The following MS4A2 variants were observed in gnomAD, a reference collection of about 807,000 sequenced individuals.
The protein encoded by MS4A2 is membrane spanning 4-domains A2.
Under a neutral mutation model 27.9 loss-of-function variants are expected in MS4A2, and 26 were observed. The ratio of observed to expected loss-of-function variants is 0.93; its 90% CI spans 0.68 to 1.29. The LOEUF is 1.29. Among genes scored for constraint, MS4A2 ranks in the 50% most tolerant of loss-of-function variants. The pLI is 0.00. For missense variants in MS4A2, 284 were observed against 284.6 expected, an observed-to-expected ratio of 1.00 and a Z score of 0.01; for synonymous variants, 110 against 98.8, an observed-to-expected ratio of 1.11 and a Z score of -0.67.
rs774069021 is a variant in MS4A2 at position 60,089,779 on chromosome 11, T to C, written c.144T>C (p.His48=). 17 of 1,614,050 alleles carry C rather than the reference T, an allele frequency of 1.1e-5. No individual in the cohort carries two copies. Among genetic ancestry groups the C allele is most frequent in the Non-Finnish European group, 1.4e-5 (17 of 1,180,028 alleles). ...AGTCGGCCTCATCCCCACCACTGCA[T>C]ACATGGCTGACAGTTTTGAAAAAAG... is the stretch of plus-strand genomic sequence containing the variant. ...LLKSASSPPL[H]TWLTVLKKEQ... Residue 48 remains histidine (H), a synonymous_variant, in exon 2 of 7, where the codon CAT becomes CAC. Transcript: ENST00000278888.
chr11:60,088,609 C>T, upstream of MS4A2: 1 of 1,480,656 alleles, frequency 6.8e-7, no homozygotes, highest in Non-Finnish European at 8.9e-7. Flanking sequence ...AGCCAAGAAA[C>T]TTATCTGTCT....
At chr11:60,088,944 A>G (rs1855704866) in intron 1 of MS4A2, 123 bp downstream of exon 1, 1 of 1,011,148 alleles carries the variant, frequency 9.9e-7, no homozygotes, top group African/African-American at 1.6e-5. Flanking sequence ...TTTAATTAAT[A>G]TATTGGGTAT....
chr11:60,091,375 T>C (rs991336906), intron 3 of MS4A2, among the ~76,000 whole-genome samples: 1 of 152,308 alleles, frequency 6.6e-6, no homozygotes, highest in Middle Eastern at 3.4e-3. Flanking sequence ...AAAGGTCTAA[T>C]TGACATATAA....
At chr11:60,090,220 T>G in intron 2 of MS4A2, 116 bp from the exon 3 acceptor site, 2 of 1,068,866 alleles carry the variant, frequency 1.9e-6, no homozygotes, top group South Asian at 2.6e-5. Flanking sequence ...GGATCATTTC[T>G]CAGGACAGTC....
rs1407123839 is a variant in MS4A2, at chr11:60,097,208, G to A, written c.*1552G>A. ...AGGGAAAAACTAAGGATAAAATCTA[G>A]CCTAGAAGATACAATAATTAGTCAT... On this transcript the variant is annotated 3_prime_UTR_variant, in exon 7 of 7. Coordinates refer to ENST00000278888, the MANE Select transcript of MS4A2 (RefSeq NM_000139.5). 1 of 152,164 alleles carries A rather than the reference G, an allele frequency of 6.6e-6. No individual in the cohort carries two copies. Among genetic ancestry groups the A allele is most frequent in the East Asian group, 1.9e-4 (1 of 5,194 alleles). The allele number at this position is 152,164 out of a possible 1,614,324, so 9.4% of individuals were successfully genotyped here. A position where few individuals can be genotyped will look rare whatever the true frequency, so the allele number is the denominator to read the frequency against.
Position 60,093,546 on chromosome 11 carries a change from T to C in MS4A2, c.525T>C (p.Ala175=), listed in dbSNP as rs775371059. The C allele has an allele frequency of 2.5e-5, 41 of 1,614,074 alleles. No homozygotes were observed. The highest frequency in any genetic ancestry group is 8.8e-5 in the South Asian group (8 of 91,090). Residue 175 remains alanine, a synonymous_variant, in exon 5 of 7, where the codon GCT becomes GCC. Transcript: ENST00000278888. The part of the protein sequence containing the change: ...QKFFETKCFM[A]SFSTEIVVMM... ...TTTTTGAGACCAAGTGCTTTATGGC[T>C]TCCTTTTCCACTGTATGTATTTTTT... is the stretch of plus-strand genomic sequence containing the variant.
At chr11:60,094,124 TA>T in intron 6 of MS4A2, 62 bp downstream of exon 6, 1 of 1,114,960 alleles carries the variant, frequency 9.0e-7, no homozygotes, top group Non-Finnish European at 1.4e-6. Context: ...CTTTATTCCT[TA>T]AAAATATGGC....
chr11:60,094,661 C>T (rs1349608745), intron 6 of MS4A2, among the ~76,000 whole-genome samples: 1 of 152,160 alleles, frequency 6.6e-6, no homozygotes, highest in African/African-American at 2.4e-5. Context: ...AAATCACTCT[C>T]CTCCAGGCTG....
rs1565073206 is a variant in MS4A2, at chr11:60,088,742, CTGGACAGCTCGGTTAATGAAAAAA to C, written c.-17_7del. 6.2e-7 allele frequency: 1 copy of C among 1,606,060 alleles called. No homozygotes were observed. Among genetic ancestry groups the C allele is most frequent in the East Asian group, 2.2e-5 (1 of 44,660 alleles). ...CTCAATATAATAATATTCTTTATTC[CTGGACAGCTCGGTTAATGAAAAAA>C]TGGACACAGAAAGTAATAGGAGAGC... On this transcript the variant is annotated start_lost and 5_prime_UTR_variant, in exon 1 of 7. Transcript: ENST00000278888.
chr11:60,096,669 G>A lies in MS4A2; in HGVS notation c.*1013G>A, dbSNP rs1855873759. 6.6e-6 allele frequency: 1 copy of A among 152,028 alleles called. No homozygotes were observed. Among genetic ancestry groups the A allele is most frequent in the South Asian group, 2.1e-4 (1 of 4,826 alleles). The allele number at this position is 152,028 out of a possible 1,614,324, so 9.4% of individuals were successfully genotyped here. On this transcript the variant is annotated 3_prime_UTR_variant, in exon 7 of 7. Transcript: ENST00000278888. ...GAGGCCGAGGTGGGCAGATCACGAAGTCAGTAGTTTGAGACCAGCCTGGCC... is the reference window on the plus strand; with the variant it reads ...GAGGCCGAGGTGGGCAGATCACGAAATCAGTAGTTTGAGACCAGCCTGGCC...
At position 60,089,683 on chromosome 11, in the gene MS4A2, A is replaced by T. The variant is rs748082992; in HGVS notation, c.57-9A>T. ...GTTCTCATGACTGAATTGCTTTTAA[A>T]TTTCACAGTGTGCCTGCATTTGAAG... On this transcript the variant is annotated splice_polypyrimidine_tract_variant and intron_variant, in intron 1 of 6. Transcript: ENST00000278888. 42 of 1,614,134 alleles carry T rather than the reference A, an allele frequency of 2.6e-5. No homozygotes were observed. The highest frequency in any genetic ancestry group is 3.3e-4 in the Middle Eastern group (2 of 6,062).
In MS4A2 at chr11:60,089,735, T is replaced by A; in HGVS notation, c.100T>A (p.Ser34Thr). 6.2e-7 allele frequency: 1 copy of A among 1,614,184 alleles called. No individual in the cohort carries two copies. The highest frequency in any genetic ancestry group is 8.5e-7 in the Non-Finnish European group (1 of 1,180,012). Residue 34 changes from serine (S) to threonine (T), a missense_variant, in exon 2 of 7, where the codon TCT becomes ACT. Ser to Thr is a moderately conservative substitution (Grantham distance 58). Transcript: ENST00000278888. ...EVLEISPQEV[S>T]SGRLLKSASS... is the part of the protein sequence containing the mutation. ...CTTGGAAATATCTCCCCAGGAAGTA[T>A]CTTCAGGCAGACTATTGAAGTCGGC... is the stretch of plus-strand genomic sequence containing the variant.
In MS4A2 at chr11:60,095,828, T is replaced by C. The variant is rs1007315; in HGVS notation, c.*172T>C. The stretch of plus-strand genomic sequence containing the variant: ...CTGCTGCTTCTGTCCACCTTAATAT[T>C]CTCCTTCTATTTGTAGATATGATAG... On this transcript the variant is annotated 3_prime_UTR_variant, in exon 7 of 7. Coordinates refer to ENST00000278888, the MANE Select transcript of MS4A2 (RefSeq NM_000139.5). The C allele has an allele frequency of 7.9e-6, 5 of 632,912 alleles. No individual in the cohort carries two copies. Among genetic ancestry groups the C allele is most frequent in the East Asian group, 5.6e-5 (2 of 35,824 alleles). The allele number at this position is 632,912 out of a possible 1,614,324, so 39.2% of individuals were successfully genotyped here.
intron 5 of MS4A2, 148 bp downstream of exon 5, chr11:60,093,706 G>C (rs1855813516): frequency 4.3e-6 from 5 of 1,173,020 alleles, no homozygotes; most frequent in Non-Finnish European, 6.2e-6. Flanking sequence ...AGCCCAGGGA[G>C]ATGCTGGCTG....
At chr11:60,088,599 A>C (rs1429544359), upstream of MS4A2, 8 of 1,458,780 alleles carry the variant, frequency 5.5e-6, no homozygotes, top group African/African-American at 1.1e-4. Context: ...GATCTTAATC[A>C]GCCAAGAAAC....
Position 60,096,351 on chromosome 11 carries a change from G to C in MS4A2, c.*695G>C, listed in dbSNP as rs1308767687. ...AAAACAGGGAAATTATAAGTGCAGA[G>C]ATTAACATTTCACAAATGTTTAGTG... On this transcript the variant is annotated 3_prime_UTR_variant, in exon 7 of 7. Coordinates refer to ENST00000278888, the MANE Select transcript of MS4A2 (RefSeq NM_000139.5). 1 of 152,062 alleles carries C rather than the reference G, an allele frequency of 6.6e-6. No individual in the cohort carries two copies. The highest frequency in any genetic ancestry group is 1.5e-5 in the Non-Finnish European group (1 of 68,034). The allele number at this position is 152,062 out of a possible 1,614,324, so 9.4% of individuals were successfully genotyped here. A position where few individuals can be genotyped will look rare whatever the true frequency, so the allele number is the denominator to read the frequency against.
rs116176533 is a variant in MS4A2 at position 60,091,311 on chromosome 11, G to A, written c.321+841G>A. ...TCTCCTGGTATCTCTTTTACTCATC[G>A]TTCTATCTGGAAAAATAGGTGGATG... On this transcript the variant is annotated intron_variant, in intron 3 of 6. Coordinates refer to ENST00000278888, the MANE Select transcript of MS4A2 (RefSeq NM_000139.5). Among the ~76,000 whole-genome samples the A allele has an allele frequency of 5.2e-3, 793 of 152,230 alleles. 5 individuals carry two copies. The highest frequency in any genetic ancestry group is 0.018 in the African/African-American group (762 of 41,526).
intron 4 of MS4A2, among the ~76,000 whole-genome samples, chr11:60,093,122 G>GT (rs1267105481): frequency 6.6e-6 from 1 of 152,204 alleles, no homozygotes; most frequent in Non-Finnish European, 1.5e-5. Flanking sequence ...CATTGTCCTT[G>GT]TAGGCATATT....
rs901723086 is a variant in MS4A2, at chr11:60,097,617, C to A, written c.*1961C>A. 6.6e-6 allele frequency: 1 copy of A among 151,996 alleles called. No homozygotes were observed. The highest frequency in any genetic ancestry group is 1.9e-4 in the East Asian group (1 of 5,184). 9.4% of individuals were successfully genotyped at this position (151,996 alleles called of 1,614,324 possible). A position where few individuals can be genotyped will look rare whatever the true frequency, so the allele number is the denominator to read the frequency against. ...GGAAAAGATAGTTTATGTTTTTAGC[C>A]TAAGTATAAGAGTCCTACAGATGGA... On this transcript the variant is annotated 3_prime_UTR_variant, in exon 7 of 7. Transcript: ENST00000278888.
Sources: allele counts gnomAD v4.1 joint callset (sites outside exome capture counted in the v4.1 genomes callset), GRCh38; gene constraint gnomAD v4.1.1; transcripts MANE v1.5; gene names NCBI Gene and HGNC (gene_info 2026-07-23, HGNC 2026-07-21).